RBFOX2: variants seen among roughly 807,000 people sequenced by gnomAD.
RBFOX2 encodes the protein RNA binding fox-1 homolog 2, also known as RNA binding protein fox-1 homolog 2.
Under a neutral mutation model 49.1 loss-of-function variants are expected in RBFOX2, and 10 were observed. The ratio of observed to expected loss-of-function variants is 0.20; its 90% confidence interval spans 0.13 to 0.35. RBFOX2 has a LOEUF of 0.35. Among genes scored for constraint, RBFOX2 ranks in the 10% least tolerant of loss-of-function variants. The pLI is 1.00. For synonymous variants in RBFOX2, 183 were observed against 187.4 expected (o/e 0.98, Z 0.19); for missense variants, 323 against 486.9 (o/e 0.66, Z 3.17).
chr22:35,888,961 C>T (rs2046925186), intron 1 of RBFOX2, among the ~76,000 whole-genome samples: 1 of 152,090 alleles, frequency 6.6e-6, no homozygotes. Flanking sequence ...TCAAGACCAG[C>T]CTGGCCAACA....
intron 1 of RBFOX2, among the ~76,000 whole-genome samples, chr22:35,948,210 C>T (rs2149817981): frequency 6.6e-6 from 1 of 152,274 alleles, no homozygotes; most frequent in Non-Finnish European, 1.5e-5. Context: ...GAACAAAAGG[C>T]CGTATCACAC....
exon 12 of RBFOX2, chr22:35,743,414 A>T (rs1930914991): frequency 6.6e-6 from 1 of 152,190 alleles, no homozygotes; most frequent in South Asian, 2.1e-4. Context: ...GGTTACAGGA[A>T]CAAAAAGAAA....
intron 1 of RBFOX2, among the ~76,000 whole-genome samples, chr22:36,015,999 A>T (rs1351373249): frequency 2.6e-5 from 4 of 152,200 alleles, no homozygotes; most frequent in Non-Finnish European, 5.9e-5. Flanking sequence ...ATGGCCCAAG[A>T]CAAATAGAGC....
chr22:36,021,690 T>C (rs2059253755), intron 1 of RBFOX2, among the ~76,000 whole-genome samples: 1 of 152,198 alleles, frequency 6.6e-6, no homozygotes, highest in Non-Finnish European at 1.5e-5. Context: ...TTCTCTTGAG[T>C]AAATGACTTC....
At chr22:35,998,010 A>G (rs1187074637) in intron 1 of RBFOX2, 1 of 152,044 alleles carries the variant, frequency 6.6e-6, no homozygotes, top group African/African-American at 2.4e-5. Context: ...TCAAAAAAAT[A>G]AAATAATGAC....
intron 1 of RBFOX2, among the ~76,000 whole-genome samples, chr22:36,019,466 A>G (rs1469143314): frequency 6.6e-6 from 1 of 152,246 alleles, no homozygotes; most frequent in Non-Finnish European, 1.5e-5. Context: ...GCAGGATATA[A>G]GGAAAGCAAG....
chr22:35,979,071 T>C (rs1230606961), intron 1 of RBFOX2, among the ~76,000 whole-genome samples: 1 of 152,156 alleles, frequency 6.6e-6, no homozygotes, highest in African/African-American at 2.4e-5. Flanking sequence ...GACAGTGGGA[T>C]GCGGGGGACA....
Position 35,854,666 on chromosome 22 carries a change from C to T in RBFOX2, c.-33-44662G>A, listed in dbSNP as rs569051554. On this transcript the variant is annotated intron_variant, in intron 1 of 13. Transcript: ENST00000359369. ...CTTTAGATATATGATTAAGATATCTCACCTAGGTTCTGCTGAAACCATGCC... is the reference window on the plus strand; with the variant it reads ...CTTTAGATATATGATTAAGATATCTTACCTAGGTTCTGCTGAAACCATGCC... Among the ~76,000 whole-genome samples the T allele has an allele frequency of 5.9e-5, 9 of 152,062 alleles. 1 individual carries two copies. Among genetic ancestry groups the T allele is most frequent in the African/African-American group, 2.2e-4 (9 of 41,508 alleles).
chr22:35,943,411 A>ATTAAG (rs55855882), upstream of RBFOX2, among the ~76,000 whole-genome samples: 11,808 of 152,266 alleles, frequency 0.078, 479 homozygotes, highest in South Asian at 0.089. Context: ...TTATTGGCCT[A>ATTAAG]TTAAGAATGA....
chr22:35,994,019 G>A (rs995429616), intron 1 of RBFOX2: 5 of 151,850 alleles, frequency 3.3e-5, no homozygotes, highest in African/African-American at 1.2e-4. Context: ...AATCATTAAA[G>A]GTCCCTCCAA....
intron 1 of RBFOX2, among the ~76,000 whole-genome samples, chr22:35,944,667 G>C (rs1307038371): frequency 1.3e-5 from 2 of 152,108 alleles, no homozygotes; most frequent in Non-Finnish European, 2.9e-5. Flanking sequence ...GCTTAAGAAA[G>C]ACATCATGCT....
At chr22:35,873,165 C>T (rs927128543) in intron 1 of RBFOX2, among the ~76,000 whole-genome samples, 1 of 152,056 alleles carries the variant, frequency 6.6e-6, no homozygotes, top group Non-Finnish European at 1.5e-5. Flanking sequence ...TTTTGAGACA[C>T]AGTCTTGCTG....
intron 1 of RBFOX2, among the ~76,000 whole-genome samples, chr22:35,949,208 A>G (rs112729455): frequency 3.6e-4 from 55 of 152,342 alleles, no homozygotes; most frequent in African/African-American, 1.3e-3. Context: ...ATAAAACACA[A>G]TTTTATGTGC....
intron 1 of RBFOX2, among the ~76,000 whole-genome samples, chr22:35,944,566 T>C (rs1315822275): frequency 6.6e-6 from 1 of 152,158 alleles, no homozygotes; most frequent in Non-Finnish European, 1.5e-5. Context: ...AGCTCTGCTT[T>C]CCATACAGTT....
In RBFOX2 at chr22:35,972,090, C is replaced by G. The variant is rs1206568011; in HGVS notation, c.187-33193G>C. 2.6e-5 allele frequency among the ~76,000 whole-genome samples: 4 copies of G among 151,942 alleles called. No individual in the cohort carries two copies. In the East Asian group the frequency reaches 7.7e-4, roughly 29 times the overall value. ...ACTAACAAGATGAGTCATATAAGAA[C>G]ATAAAGCATTCAGAGAGCTAGCATC... On this transcript the variant is annotated intron_variant, in intron 1 of 13. Transcript: ENST00000438146.
chr22:36,024,575 T>C (rs1002858100), intron 1 of RBFOX2, among the ~76,000 whole-genome samples: 10 of 151,842 alleles, frequency 6.6e-5, no homozygotes, highest in African/African-American at 2.2e-4. Context: ...ACCTCATCTC[T>C]ACTATAAATA....
At chr22:35,805,761 G>A (rs1950619362) in intron 2 of RBFOX2, among the ~76,000 whole-genome samples, 2 of 152,028 alleles carry the variant, frequency 1.3e-5, no homozygotes. Flanking sequence ...AACAAACTGT[G>A]GTACATACAG....
chr22:35,897,350 G>A, intron 1 of RBFOX2: 1 of 1,306,888 alleles, frequency 7.7e-7, no homozygotes, highest in South Asian at 1.2e-5. Context: ...GCACCTCAAT[G>A]GCCTTGAGTT....
intron 1 of RBFOX2, among the ~76,000 whole-genome samples, chr22:36,013,913 G>A (rs2058930427): frequency 6.6e-6 from 1 of 152,174 alleles, no homozygotes; most frequent in Middle Eastern, 3.4e-3. Flanking sequence ...TATGAATTTA[G>A]AGTTAGGAAT....
Sources: gnomAD v4.1 joint callset for allele counts (sites outside exome capture counted in the v4.1 genomes callset) on GRCh38, gnomAD v4.1.1 for gene constraint, MANE v1.5 for transcripts, NCBI Gene and HGNC (gene_info 2026-07-23, HGNC 2026-07-21) for gene names.